ZMYM3: variants seen among roughly 807,000 people sequenced by gnomAD.
The protein encoded by ZMYM3 is zinc finger MYM-type containing 3, also known as zinc finger MYM-type protein 3.
In ZMYM3, 6 loss-of-function variants were observed where a neutral mutation model predicts 94.2. That is an observed-to-expected ratio of 0.06 (90% CI 0.03 to 0.13). The LOEUF (loss-of-function observed/expected upper bound fraction) is 0.13, where lower values mean the gene tolerates loss of function less well. Ranked by LOEUF, ZMYM3 falls within the 10% of genes least tolerant of loss-of-function variation. The pLI is 1.00. For missense variants in ZMYM3, 664 were observed against 1,132.6 expected, an observed-to-expected ratio of 0.59 and a Z score of 5.94; for synonymous variants, 420 against 426.5, an observed-to-expected ratio of 0.98 and a Z score of 0.19.
chrX:71,246,564 G>A, intron 14 of ZMYM3, 31 bp downstream of exon 14: 2 of 1,207,648 alleles, frequency 1.7e-6, no homozygotes, highest in Non-Finnish European at 1.1e-6. Context: ...CCTCCTCTGA[G>A]ATTATCCTCC....
intron 18 of ZMYM3, among the ~76,000 whole-genome samples, 165 bp from the exon 19 acceptor site, chrX:71,245,058 A>G (rs1463636576): frequency 9.3e-6 from 1 of 107,022 alleles, no homozygotes; most frequent in East Asian, 2.9e-4. Context: ...AAAACACAGC[A>G]ATGTGAACTA....
chrX:71,251,666 A>AC, intron 2 of ZMYM3, 65 bp from the exon 3 acceptor site: 1 of 1,096,766 alleles, frequency 9.1e-7, no homozygotes, highest in East Asian at 3.5e-5. Context: ...CCCCGGCCCA[A>AC]CCCCCGCCTC....
chrX:71,242,980 G>A lies in ZMYM3; in HGVS notation c.3537C>T (p.Leu1179=). The A allele has an allele frequency of 1.7e-6, 2 of 1,210,460 alleles. No homozygotes were observed. Among genetic ancestry groups the A allele is most frequent in the South Asian group, 1.8e-5 (1 of 56,925 alleles). The part of the protein sequence containing the change: ...NKSLSTWQPT[L]LPNNTVFSRV... ...GTCCCTGTTCCTTACTGTTGGGGAG[G>A]AGTGTGGGCTGCCAGGTACTCAGAG... is the stretch of plus-strand genomic sequence containing the variant. Residue 1179 remains leucine (L), a synonymous_variant, in exon 22 of 25, where the codon CTC becomes CTT. Coordinates refer to ENST00000314425, the MANE Select transcript of ZMYM3 (RefSeq NM_201599.3).
At position 71,249,582 on chromosome X, in the gene ZMYM3, C is replaced by G; in HGVS notation, c.1349G>C (p.Cys450Ser). 1.7e-6 allele frequency: 2 copies of G among 1,211,096 alleles called. No individual in the cohort carries two copies. The highest frequency in any genetic ancestry group is 2.2e-6 in the Non-Finnish European group (2 of 895,245). ...FRANKGLKTN[C>S]CDQCGAYIYT... is the part of the protein sequence containing the mutation. ...GATGTAAGCCCCACACTGGTCACAA[C>G]AGTTGGTTTTCAGTCCCTTGTTGGC... Residue 450 changes from cysteine (C) to serine (S), a missense_variant, in exon 7 of 25, where the codon TGT (cysteine) becomes TCT (serine). By Grantham distance (112) the Cys-to-Ser change is moderately radical. Coordinates refer to ENST00000314425, the MANE Select transcript of ZMYM3 (RefSeq NM_201599.3).
chrX:71,245,351 C>T lies in ZMYM3; in HGVS notation c.2995G>A (p.Asp999Asn). The change falls in exon 18 of 25, where the codon GAC (aspartate) becomes AAC (asparagine). Residue 999 changes from aspartate to asparagine, a missense_variant. Asp to Asn is a conservative substitution (Grantham distance 23). This residue lies in a region of ZMYM3 where 75 missense variants were observed against 152.5 expected (regional missense o/e 0.49). Transcript: ENST00000314425. ...LDEPGQDLEA[D>N]FPKNPLDINP... ...CAATCTTACTCACTCTTAGGGAAGTCTGCCTCCAAGTCTTGCCCAGGCTCA... is the reference window on the plus strand; with the variant it reads ...CAATCTTACTCACTCTTAGGGAAGTTTGCCTCCAAGTCTTGCCCAGGCTCA... 8.3e-7 allele frequency: 1 copy of T among 1,211,471 alleles called. No homozygotes were observed. Among genetic ancestry groups the T allele is most frequent in the Non-Finnish European group, 1.1e-6 (1 of 895,400 alleles).
chrX:71,242,602 A>G, intron 22 of ZMYM3, among the ~76,000 whole-genome samples, 178 bp from the exon 23 acceptor site: 1 of 112,247 alleles, frequency 8.9e-6, no homozygotes, highest in Non-Finnish European at 1.9e-5. Context: ...ACTGGGCTTT[A>G]AAAAATATAT....
chrX:71,255,106 CT>C (rs1362688013), upstream of ZMYM3: 2 of 70,922 alleles, frequency 2.8e-5, no homozygotes, highest in African/African-American at 1.5e-4. Context: ...CTCTCTCTCT[CT>C]CTCTCTCTCT....
Position 71,245,324 on chromosome X carries a change from T to G in ZMYM3, c.3007+15A>C, listed in dbSNP as rs1452414020. 1.7e-6 allele frequency: 2 copies of G among 1,206,542 alleles called. No homozygotes were observed. Among genetic ancestry groups the G allele is most frequent in the Non-Finnish European group, 1.1e-6 (1 of 893,927 alleles). On this transcript the variant is annotated intron_variant, in intron 18 of 24. Coordinates refer to ENST00000314425, the MANE Select transcript of ZMYM3 (RefSeq NM_201599.3). ...TGCTACCATACTCAGTGGGCATGGC[T>G]CCAATCTTACTCACTCTTAGGGAAG...
chrX:71,251,671 C>T (rs772569469), intron 2 of ZMYM3, 70 bp from the exon 3 acceptor site: 268 of 1,097,311 alleles, frequency 2.4e-4, no homozygotes, highest in Non-Finnish European at 3.1e-4. Flanking sequence ...GCCCAACCCC[C>T]GCCTCCATTC....
Position 71,250,525 on chromosome X carries a change from C to T in ZMYM3, c.980G>A (p.Arg327His). 2.5e-6 allele frequency: 3 copies of T among 1,211,263 alleles called. No individual in the cohort carries two copies. Among genetic ancestry groups the T allele is most frequent in the Non-Finnish European group, 3.4e-6 (3 of 895,179 alleles). The change falls in exon 5 of 25, where the codon CGC becomes CAC. Residue 327 changes from arginine (R) to histidine (H), a missense_variant. By Grantham distance (29) the Arg-to-His change is conservative (BLOSUM62 0). Around this residue, in one of 9 missense-constraint regions of ZMYM3, gnomAD observed 45 missense variants for 92.9 expected, o/e 0.48. Transcript: ENST00000314425. ...GCAGAAGAGCTGAGGCAGCCCCTTG[C>T]GCTGATAGGCAGTCTGCCCCTTCTG... Reference protein sequence around the residue: ...PLQKGQTAYQRKGLPQLFCSS... With the variant: ...PLQKGQTAYQHKGLPQLFCSS...
At position 71,244,954 on chromosome X, in the gene ZMYM3, TGCCCCACCCCTGC is replaced by T. The variant is rs2147971177; in HGVS notation, c.3008-74_3008-62del. 5 of 964,699 alleles carry T rather than the reference TGCCCCACCCCTGC, an allele frequency of 5.2e-6. No individual in the cohort carries two copies. In the South Asian group the frequency reaches 8.6e-5, roughly 17 times the overall value. 79.5% of individuals were successfully genotyped at this position (964,699 alleles called of 1,213,427 possible). A position where few individuals can be genotyped will look rare whatever the true frequency, so the allele number is the denominator to read the frequency against. On this transcript the variant is annotated intron_variant, in intron 18 of 24. Coordinates refer to ENST00000314425, the MANE Select transcript of ZMYM3 (RefSeq NM_201599.3). ...TAAGATCTCAACCCTGCAGCCCTCC[TGCCCCACCCCTGC>T]TACTTGCCCACTTGACACTAGATGA... is the stretch of plus-strand genomic sequence containing the variant.
chrX:71,244,248 C>G, intron 20 of ZMYM3, 54 bp downstream of exon 20: 4 of 1,098,689 alleles, frequency 3.6e-6, no homozygotes, highest in Non-Finnish European at 5.0e-6. Context: ...TCTCCCCTTT[C>G]CCCTCCTCCT....
In ZMYM3 at chrX:71,251,597, A is replaced by G. The variant is rs1300311827; in HGVS notation, c.672T>C (p.Asp224=). 1.7e-6 allele frequency: 2 copies of G among 1,187,392 alleles called. No homozygotes were observed. The highest frequency in any genetic ancestry group is 3.6e-5 in the African/African-American group (2 of 56,026). The change falls in exon 3 of 25, where the codon GAT becomes GAC. Residue 224 remains aspartate, a synonymous_variant. Transcript: ENST00000314425. Reference sequence around the variant, plus strand: ...TCTCACTCGCCTTCGCAGTCAGGCCATCTCCTGCAAAGGAAGCAGAAGGCA... The same window carrying G: ...TCTCACTCGCCTTCGCAGTCAGGCCGTCTCCTGCAAAGGAAGCAGAAGGCA... ...SPPAHPSLPG[D]GLTAKASEKP... is the part of the protein sequence containing the mutation.
At chrX:71,252,541 C>T in intron 2 of ZMYM3, 48 bp downstream of exon 2, 3 of 1,118,271 alleles carry the variant, frequency 2.7e-6, no homozygotes, top group Non-Finnish European at 3.5e-6. Flanking sequence ...CCCCTCCTTA[C>T]CACCACCCTC....
chrX:71,247,469 C>T lies in ZMYM3; in HGVS notation c.2190G>A (p.Leu730=). The change falls in exon 13 of 25, where the codon CTG becomes CTA. Residue 730 remains leucine (L), a synonymous_variant. Coordinates refer to ENST00000314425, the MANE Select transcript of ZMYM3 (RefSeq NM_201599.3). ...TCTGCCCACGCCAGTGGATGGTCTC[C>T]AGCAGCTTCCCCTGGCGCTTACACG... ...CHACKRQGKL[L]ETIHWRGQIR... is the part of the protein sequence containing the mutation. 7 of 1,211,636 alleles carry T rather than the reference C, an allele frequency of 5.8e-6. No homozygotes were observed. The highest frequency in any genetic ancestry group is 7.8e-6 in the Non-Finnish European group (7 of 895,297).
intron 2 of ZMYM3, chrX:71,251,854 G>T: frequency 1.3e-6 from 1 of 752,934 alleles, no homozygotes; most frequent in Non-Finnish European, 1.6e-6. Context: ...CCCAATCCTT[G>T]GGGGTTAAGG....
rs1244645479 is a variant in ZMYM3 at position 71,249,483 on chromosome X, G to T, written c.1448C>A (p.Thr483Asn). The T allele has an allele frequency of 8.4e-7, 1 of 1,197,247 alleles. No homozygotes were observed. The highest frequency in any genetic ancestry group is 1.7e-5 in the African/African-American group (1 of 57,336). The change falls in exon 7 of 25, where the codon ACC becomes AAC. Residue 483 changes from threonine to asparagine, a missense_variant. Physicochemically the swap from Thr to Asn is moderately conservative, Grantham distance 65 (BLOSUM62 0). Transcript: ENST00000314425. Reference protein sequence around the residue: ...EGQQKRFCNTTCLGAYKKKNT... With the variant: ...EGQQKRFCNTNCLGAYKKKNT... ...CACCTTCTTGTACGCCCCCAAGCAGGTTGTGTTGCAGAACCGCTTTTGTTG... is the reference window on the plus strand; with the variant it reads ...CACCTTCTTGTACGCCCCCAAGCAGTTTGTGTTGCAGAACCGCTTTTGTTG...
At position 71,246,072 on chromosome X, in the gene ZMYM3, G is replaced by A; in HGVS notation, c.2599C>T (p.Leu867=). 8.3e-7 allele frequency: 1 copy of A among 1,211,124 alleles called. No individual in the cohort carries two copies. Among genetic ancestry groups the A allele is most frequent in the Non-Finnish European group, 1.1e-6 (1 of 895,171 alleles). The change falls in exon 16 of 25, where the codon CTG becomes TTG. Residue 867 remains leucine (L), a synonymous_variant. Coordinates refer to ENST00000314425, the MANE Select transcript of ZMYM3 (RefSeq NM_201599.3). The part of the protein sequence containing the change: ...TEEWKPQVIV[L]PIPVPIFVPV... Reference sequence around the variant, plus strand: ...ACGAAGATGGGCACTGGGATGGGCAGCACGATCACCTGTGGCTTCCACTCT... The same window carrying A: ...ACGAAGATGGGCACTGGGATGGGCAACACGATCACCTGTGGCTTCCACTCT...
rs2030449374 is a variant in ZMYM3 at position 71,251,193 on chromosome X, C to A, written c.763G>T (p.Asp255Tyr). ...RAEPPKPEVV[D>Y]STESIPVSDE... Reference sequence around the variant, plus strand: ...TCCTACTTACTGCTCTCAGTGGAATCTACAACCTCAGGTTTTGGAGGTTCT... The same window carrying A: ...TCCTACTTACTGCTCTCAGTGGAATATACAACCTCAGGTTTTGGAGGTTCT... Residue 255 changes from aspartate (D) to tyrosine (Y), a missense_variant, in exon 4 of 25, where the codon GAT becomes TAT. By Grantham distance (160) the Asp-to-Tyr change is radical. Coordinates refer to ENST00000314425, the MANE Select transcript of ZMYM3 (RefSeq NM_201599.3). 1.7e-6 allele frequency: 2 copies of A among 1,207,675 alleles called. No homozygotes were observed. The highest frequency in any genetic ancestry group is 2.2e-6 in the Non-Finnish European group (2 of 894,546).
Sources: allele counts gnomAD v4.1 joint callset (sites outside exome capture counted in the v4.1 genomes callset), GRCh38; gene constraint gnomAD v4.1.1; regional missense constraint gnomAD v4.1.1; transcripts MANE v1.5; gene names NCBI Gene and HGNC (gene_info 2026-07-23, HGNC 2026-07-21).